MAP3K4: variants seen among roughly 807,000 people sequenced by gnomAD.
The protein encoded by MAP3K4 is MAP three kinase 1.
In MAP3K4, 67 loss-of-function variants were observed where a neutral mutation model predicts 185.6. The observed-to-expected ratio is 0.36, with a 90% confidence interval of 0.30 to 0.44. The LOEUF (loss-of-function observed/expected upper bound fraction) is 0.44. Among genes scored for constraint, MAP3K4 ranks in the 20% least tolerant of loss-of-function variants. The pLI, the probability that MAP3K4 is intolerant of heterozygous loss-of-function variation, is 1.00. For synonymous variants in MAP3K4, 702 were observed against 710.4 expected, an observed-to-expected ratio of 0.99 and a Z score of 0.19; for missense variants, 1,551 against 1,995.1, an observed-to-expected ratio of 0.78 and a Z score of 4.24.
intron 3 of MAP3K4, among the ~76,000 whole-genome samples, chr6:161,066,692 A>G (rs1310458232): frequency 1.3e-5 from 2 of 152,052 alleles, no homozygotes; most frequent in African/African-American, 2.4e-5. Context: ...GAAGTGCTGA[A>G]TTTTTGAAAC....
At chr6:161,021,003 G>A (rs533955263) in intron 1 of MAP3K4, among the ~76,000 whole-genome samples, 17 of 152,022 alleles carry the variant, frequency 1.1e-4, no homozygotes, top group African/African-American at 4.1e-4. Context: ...AAAAATAGGA[G>A]GTTTTATTTT....
intron 13 of MAP3K4, among the ~76,000 whole-genome samples, chr6:161,092,711 A>G (rs549304093): frequency 6.6e-6 from 1 of 152,360 alleles, no homozygotes; most frequent in East Asian, 1.9e-4. Context: ...TTGAATTACA[A>G]ATAAATAATT....
rs147778702 is a variant in MAP3K4 at position 161,096,258 on chromosome 6, AT to A, written c.3428-819del. The stretch of plus-strand genomic sequence containing the variant: ...AAAATCATGAAGAAACAGGATTTCC[AT>A]TTAGGATAAAACCTATTTGGGATAA... On this transcript the variant is annotated intron_variant, in intron 15 of 26. Transcript: ENST00000392142. The surrounding 1 kb of genome is among the most constrained non-coding windows in gnomAD (Gnocchi z 4.9). Among the ~76,000 whole-genome samples the A allele has an allele frequency of 0.022, 3,424 of 152,268 alleles. 141 individuals carry two copies. The highest frequency in any genetic ancestry group is 0.078 in the African/African-American group (3,243 of 41,538).
intron 1 of MAP3K4, among the ~76,000 whole-genome samples, chr6:161,005,173 C>T (rs1250619951): frequency 6.7e-6 from 1 of 149,484 alleles, no homozygotes; most frequent in East Asian, 2.0e-4. Context: ...GGGTCTCACT[C>T]TGTTGTCCAG....
At chr6:161,019,974 A>T (rs182102816) in intron 1 of MAP3K4, among the ~76,000 whole-genome samples, 12 of 152,304 alleles carry the variant, frequency 7.9e-5, no homozygotes, top group African/African-American at 2.9e-4. Context: ...GCATCTTTTG[A>T]CACTTATATG....
rs1449871854 is a variant in MAP3K4 at position 161,110,935 on chromosome 6, TGCACGTTTGTTCCGTG to T, written c.4397-897_4397-882del. 2.0e-5 allele frequency among the ~76,000 whole-genome samples: 3 copies of T among 152,214 alleles called. No homozygotes were observed. Among genetic ancestry groups the T allele is most frequent in the Non-Finnish European group, 4.4e-5 (3 of 68,032 alleles). ...CTGTCCACTGTCACAAAATGGTGTT[TGCACGTTTGTTCCGTG>T]GCAGGAAGAGACTCCCTTAGAATCT... On this transcript the variant is annotated intron_variant, in intron 23 of 26. Transcript: ENST00000392142. This position sits in a 1 kb window ranked among gnomAD's most constrained non-coding sequence, Gnocchi z 4.8.
chr6:161,066,925 T>A (rs996678849), intron 3 of MAP3K4, among the ~76,000 whole-genome samples: 2 of 152,238 alleles, frequency 1.3e-5, no homozygotes, highest in Non-Finnish European at 2.9e-5. Flanking sequence ...GAATTTTATC[T>A]TAGAAAGTTT....
rs760178161 is a variant in MAP3K4, at chr6:161,070,780, T to C, written c.1880T>C (p.Ile627Thr). The C allele has an allele frequency of 6.2e-7, 1 of 1,614,088 alleles. No homozygotes were observed. The highest frequency in any genetic ancestry group is 2.2e-5 in the East Asian group (1 of 44,874). The change falls in exon 4 of 27, where the codon ATA becomes ACA. Residue 627 changes from isoleucine to threonine, a missense_variant. This residue lies in a region of MAP3K4 where 27 missense variants were observed against 64.4 expected (regional missense o/e 0.42). Coordinates refer to ENST00000392142, the MANE Select transcript of MAP3K4 (RefSeq NM_005922.4). This position sits in a 1 kb window ranked among gnomAD's most constrained non-coding sequence, Gnocchi z 4.5. ...LVLCRVLLNVIHECLKLRLEQ... is the reference protein window; with the variant it reads ...LVLCRVLLNVTHECLKLRLEQ... ...CTCTGCCGAGTCCTTCTGAATGTCA[T>C]ACATGAGTGTCTGAAGTTAAGATTG... is the stretch of plus-strand genomic sequence containing the variant.
chr6:161,113,412 G>A (rs1778436963), intron 25 of MAP3K4, among the ~76,000 whole-genome samples: 1 of 152,154 alleles, frequency 6.6e-6, no homozygotes, highest in African/African-American at 2.4e-5. Context: ...GAATTTTTAG[G>A]GGAGTAAACC....
At chr6:161,055,067 C>T (rs1784173130) in intron 3 of MAP3K4, among the ~76,000 whole-genome samples, 1 of 152,090 alleles carries the variant, frequency 6.6e-6, no homozygotes, top group Admixed American at 6.5e-5. Flanking sequence ...TATTGTTGAT[C>T]TTGGGTCTTA....
intron 1 of MAP3K4, among the ~76,000 whole-genome samples, chr6:161,011,975 C>G (rs961431030): frequency 9.9e-5 from 15 of 152,160 alleles, no homozygotes; most frequent in Non-Finnish European, 1.3e-4. Context: ...GTGACTGAGT[C>G]CTTTAAGAAC....
rs1783052374 is a variant in MAP3K4 at position 161,034,169 on chromosome 6, T to C, written c.153-90T>C. The C allele has an allele frequency of 9.3e-7, 1 of 1,078,806 alleles. No individual in the cohort carries two copies. Among genetic ancestry groups the C allele is most frequent in the Non-Finnish European group, 1.3e-6 (1 of 763,986 alleles). 66.8% of individuals were successfully genotyped at this position (1,078,806 alleles called of 1,614,324 possible). ...TGAAGAGATTTTTCTGTACAAAAGT[T>C]TTACAAAGAATTATTTAAAAAATTA... is the stretch of plus-strand genomic sequence containing the variant. On this transcript the variant is annotated intron_variant, in intron 1 of 26. Coordinates refer to ENST00000392142, the MANE Select transcript of MAP3K4 (RefSeq NM_005922.4). This position sits in a 1 kb window ranked among gnomAD's most constrained non-coding sequence, Gnocchi z 4.4.
At chr6:161,033,456 T>A (rs1583141663) in intron 1 of MAP3K4, among the ~76,000 whole-genome samples, 1 of 152,210 alleles carries the variant, frequency 6.6e-6, no homozygotes, top group Admixed American at 6.5e-5. Context: ...TGGCAGGCAG[T>A]GTTTTTAGAG....
At position 161,073,256 on chromosome 6, in the gene MAP3K4, T is replaced by A; in HGVS notation, c.1951-210T>A. Reference sequence around the variant, plus strand: ...TGTGTATCCATGCTGTAGTATTAAATTCTTTTATTTTCACTGTTTTGTTGC... The same window carrying A: ...TGTGTATCCATGCTGTAGTATTAAAATCTTTTATTTTCACTGTTTTGTTGC... On this transcript the variant is annotated intron_variant, in intron 4 of 26. Coordinates refer to ENST00000392142, the MANE Select transcript of MAP3K4 (RefSeq NM_005922.4). This position sits in a 1 kb window ranked among gnomAD's most constrained non-coding sequence, Gnocchi z 4.2. 2.5e-6 allele frequency: 1 copy of A among 402,342 alleles called. No homozygotes were observed. Among genetic ancestry groups the A allele is most frequent in the Non-Finnish European group, 4.4e-6 (1 of 228,892 alleles). 24.9% of individuals were successfully genotyped at this position (402,342 alleles called of 1,614,324 possible). A position where few individuals can be genotyped will look rare whatever the true frequency, so the allele number is the denominator to read the frequency against.
At chr6:161,060,618 CT>C (rs35196179) in intron 3 of MAP3K4, among the ~76,000 whole-genome samples, 5,733 of 126,360 alleles carry the variant, frequency 0.045, 150 homozygotes, top group African/African-American at 0.1. Flanking sequence ...TTTTCTTTTT[CT>C]TTTTTTTTTT....
intron 3 of MAP3K4, among the ~76,000 whole-genome samples, chr6:161,055,953 T>C (rs886115904): frequency 7.2e-5 from 11 of 152,208 alleles, no homozygotes; most frequent in Non-Finnish European, 1.6e-4. Flanking sequence ...TTGGAATTTC[T>C]CCAGATGGAA....
At chr6:160,992,138 C>G (rs1055594929) in intron 1 of MAP3K4, 55 bp downstream of exon 1, 1 of 1,462,218 alleles carries the variant, frequency 6.8e-7, no homozygotes, top group Non-Finnish European at 9.0e-7. Flanking sequence ...GGTCCTGGCC[C>G]GAACTCGGTC....
chr6:161,046,332 G>A (rs1039969894), intron 2 of MAP3K4, among the ~76,000 whole-genome samples: 7 of 151,994 alleles, frequency 4.6e-5, no homozygotes, highest in East Asian at 1.9e-4. Context: ...ACAGTTAAAC[G>A]CATCAGAGCA....
chr6:161,116,572 T>C lies in MAP3K4; in HGVS notation c.4807-278T>C, dbSNP rs1287542770. The stretch of plus-strand genomic sequence containing the variant: ...TTGTAATTAAATAACAATTTATGTC[T>C]TAGTTATGAAGTGCATAACAATTTA... On this transcript the variant is annotated intron_variant, in intron 26 of 26. Coordinates refer to ENST00000392142, the MANE Select transcript of MAP3K4 (RefSeq NM_005922.4). This position sits in a 1 kb window ranked among gnomAD's most constrained non-coding sequence, Gnocchi z 6.2. 6.6e-6 allele frequency among the ~76,000 whole-genome samples: 1 copy of C among 152,214 alleles called. No homozygotes were observed.
Sources: allele counts gnomAD v4.1 joint callset (sites outside exome capture counted in the v4.1 genomes callset), GRCh38; gene constraint gnomAD v4.1.1; regional missense constraint gnomAD v4.1.1; non-coding constraint Gnocchi (gnomAD v3.1); transcripts MANE v1.5; gene names NCBI Gene and HGNC (gene_info 2026-07-23, HGNC 2026-07-21).